Variants in COL25A1 observed in about 807,000 individuals in gnomAD.
The protein encoded by COL25A1 is collagen alpha-1(XXV) chain.
In COL25A1, 103 loss-of-function variants were observed where a neutral mutation model predicts 128.4. The observed-to-expected ratio is 0.80, with a 90% CI of 0.68 to 0.94. The LOEUF (loss-of-function observed/expected upper bound fraction) is 0.94, where lower values mean the gene tolerates loss of function less well. Among genes scored for constraint, COL25A1 ranks in the 40% least tolerant of loss-of-function variants. COL25A1 has a pLI of 0.00. For missense variants in COL25A1, 745 were observed against 840.0 expected (o/e 0.89, Z 1.40); for synonymous variants, 279 against 277.2 (o/e 1.01, Z -0.06).
Position 109,081,447 on chromosome 4 carries a change from C to T in COL25A1, c.368-31268G>A, listed in dbSNP as rs375799833. On this transcript the variant is annotated intron_variant, in intron 3 of 37. Coordinates refer to ENST00000399132, the MANE Select transcript of COL25A1 (RefSeq NM_198721.4). ...ATCTAACTAAACTATACTATTTTTT[C>T]GGAAACTGATATTTTGGTGTGTTTT... 4.0e-4 allele frequency among the ~76,000 whole-genome samples: 61 copies of T among 152,140 alleles called. 1 individual carries two copies. Among genetic ancestry groups the T allele is most frequent in the African/African-American group, 1.3e-3 (56 of 41,538 alleles).
At position 108,889,088 on chromosome 4, in the gene COL25A1, C is replaced by T. The variant is rs891710336; in HGVS notation, c.975+133G>A. 5 of 847,692 alleles carry T rather than the reference C, an allele frequency of 5.9e-6. No homozygotes were observed. In the African/African-American group the frequency reaches 8.5e-5, roughly 14 times the overall value. The allele number at this position is 847,692 out of a possible 1,614,324, so 52.5% of individuals were successfully genotyped here. A position where few individuals can be genotyped will look rare whatever the true frequency, so the allele number is the denominator to read the frequency against. Reference sequence around the variant, plus strand: ...CAAGACCTTTTAAAATGCAAAACAACAATAACACTCTGTAATGCAAAACAT... The same window carrying T: ...CAAGACCTTTTAAAATGCAAAACAATAATAACACTCTGTAATGCAAAACAT... On this transcript the variant is annotated intron_variant, in intron 18 of 37. Coordinates refer to ENST00000399132, the MANE Select transcript of COL25A1 (RefSeq NM_198721.4).
chr4:109,019,312 TAAC>T (rs200502335), intron 5 of COL25A1, among the ~76,000 whole-genome samples: 1,684 of 147,292 alleles, frequency 0.011, 38 homozygotes, highest in African/African-American at 0.039. Flanking sequence ...AGTTAATACT[TAAC>T]AAACTCTCAT....
intron 13 of COL25A1, among the ~76,000 whole-genome samples, chr4:108,904,697 A>G (rs1743251772): frequency 6.6e-6 from 1 of 152,092 alleles, no homozygotes; most frequent in African/African-American, 2.4e-5. Flanking sequence ...TTCTGAACAC[A>G]TTTCATACTT....
chr4:108,930,971 T>A (rs577416121), intron 11 of COL25A1, among the ~76,000 whole-genome samples: 4 of 152,336 alleles, frequency 2.6e-5, no homozygotes, highest in African/African-American at 9.6e-5. Context: ...TGATGAAATA[T>A]GAGAATTTGA....
At chr4:109,150,784 G>C (rs554694537) in intron 3 of COL25A1, among the ~76,000 whole-genome samples, 11 of 152,036 alleles carry the variant, frequency 7.2e-5, no homozygotes, top group Non-Finnish European at 1.6e-4. Flanking sequence ...AAGATGATGT[G>C]TACACCAAAT....
chr4:109,065,093 C>T (rs1762294882), intron 3 of COL25A1, among the ~76,000 whole-genome samples: 1 of 152,162 alleles, frequency 6.6e-6, no homozygotes, highest in Non-Finnish European at 1.5e-5. Context: ...CTTTTGGGCT[C>T]ATCTAGCCCC....
intron 12 of COL25A1, among the ~76,000 whole-genome samples, chr4:108,919,767 A>T (rs1002157463): frequency 1.3e-5 from 2 of 151,810 alleles, no homozygotes; most frequent in African/African-American, 4.8e-5. Flanking sequence ...TGAAAAAAAA[A>T]ATTTTTTTTT....
At chr4:109,297,287 A>G (rs1218889924) in intron 3 of COL25A1, among the ~76,000 whole-genome samples, 1 of 152,152 alleles carries the variant, frequency 6.6e-6, no homozygotes, top group African/African-American at 2.4e-5. Context: ...AAAATCTTAA[A>G]ATAGGTAAAT....
chr4:109,027,570 A>C (rs2125910744), intron 5 of COL25A1, among the ~76,000 whole-genome samples: 1 of 152,264 alleles, frequency 6.6e-6, no homozygotes, highest in Admixed American at 6.5e-5. Flanking sequence ...CATGTCCACT[A>C]TCGGGAAAAG....
At chr4:108,906,131 C>A (rs1167354962) in intron 13 of COL25A1, among the ~76,000 whole-genome samples, 1 of 152,124 alleles carries the variant, frequency 6.6e-6, no homozygotes, top group Non-Finnish European at 1.5e-5. Flanking sequence ...CCATCTCATT[C>A]AGAATAAGAG....
intron 3 of COL25A1, among the ~76,000 whole-genome samples, chr4:109,185,266 C>T (rs1775028644): frequency 6.6e-6 from 1 of 152,064 alleles, no homozygotes; most frequent in African/African-American, 2.4e-5. Flanking sequence ...TGGGATACAC[C>T]TAATCTCTGG....
chr4:109,189,351 C>A (rs1011760775), intron 3 of COL25A1, among the ~76,000 whole-genome samples: 3 of 151,940 alleles, frequency 2.0e-5, no homozygotes, highest in African/African-American at 7.2e-5. Context: ...AGTTCGAGAC[C>A]AGCCTGGCCA....
chr4:109,113,717 C>G (rs906952389), intron 3 of COL25A1, among the ~76,000 whole-genome samples: 1 of 152,034 alleles, frequency 6.6e-6, no homozygotes, highest in African/African-American at 2.4e-5. Flanking sequence ...TTATGGTAAC[C>G]CTTCATAAGC....
At chr4:109,092,566 T>C (rs1219350782) in intron 3 of COL25A1, among the ~76,000 whole-genome samples, 1 of 152,182 alleles carries the variant, frequency 6.6e-6, no homozygotes, top group Non-Finnish European at 1.5e-5. Context: ...GGGGCAACGC[T>C]CAAGGTCCAC....
chr4:109,267,960 C>T (rs191371278), intron 3 of COL25A1, among the ~76,000 whole-genome samples: 33 of 152,078 alleles, frequency 2.2e-4, no homozygotes, highest in Non-Finnish European at 4.0e-4. Flanking sequence ...GTCAAGATCG[C>T]TTCATTATTA....
At position 108,813,305 on chromosome 4, in the gene COL25A1, G is replaced by T. The variant is rs1223955700; in HGVS notation, c.*622C>A. On this transcript the variant is annotated 3_prime_UTR_variant, in exon 38 of 38. Transcript: ENST00000399132. The stretch of plus-strand genomic sequence containing the variant: ...CTCTCCGCCACCTTATCTCTTTTTG[G>T]CAATAAGCCATGGTGTAACCCCCTT... 6.6e-6 allele frequency: 1 copy of T among 152,230 alleles called. No individual in the cohort carries two copies. The highest frequency in any genetic ancestry group is 1.5e-5 in the Non-Finnish European group (1 of 68,092). 9.4% of individuals were successfully genotyped at this position (152,230 alleles called of 1,614,324 possible). A position where few individuals can be genotyped will look rare whatever the true frequency, so the allele number is the denominator to read the frequency against.
chr4:109,046,841 C>T (rs1298164936), intron 5 of COL25A1, among the ~76,000 whole-genome samples: 2 of 152,174 alleles, frequency 1.3e-5, no homozygotes, highest in South Asian at 4.1e-4. Context: ...AGCAAACTGA[C>T]TATCCAGGAT....
chr4:109,157,369 T>C (rs1012716833), intron 3 of COL25A1, among the ~76,000 whole-genome samples: 2 of 152,186 alleles, frequency 1.3e-5, no homozygotes, highest in African/African-American at 2.4e-5. Flanking sequence ...TAACTCAGCA[T>C]AGGAAATTCC....
chr4:108,828,767 C>T (rs1000885042), intron 32 of COL25A1, among the ~76,000 whole-genome samples: 2 of 152,156 alleles, frequency 1.3e-5, no homozygotes, highest in African/African-American at 4.8e-5. Flanking sequence ...ATCTTATCTC[C>T]TTTTATCATA....
Sources: allele counts gnomAD v4.1 joint callset (sites outside exome capture counted in the v4.1 genomes callset), GRCh38; gene constraint gnomAD v4.1.1; transcripts MANE v1.5; gene names NCBI Gene and HGNC (gene_info 2026-07-23, HGNC 2026-07-21).